MRPL52: variants seen among roughly 807,000 people sequenced by gnomAD.
MRPL52 encodes the protein large ribosomal subunit protein mL52.
In MRPL52, 19 loss-of-function variants were observed where a neutral mutation model predicts 22.1. The ratio of observed to expected loss-of-function variants is 0.86; its 90% CI spans 0.60 to 1.26. The LOEUF is 1.26. Among genes scored for constraint, MRPL52 ranks in the 50% most tolerant of loss-of-function variants. The pLI, the probability that MRPL52 is intolerant of heterozygous loss-of-function variation, is 0.00. For missense variants in MRPL52, 152 were observed against 148.1 expected (o/e 1.03, Z -0.14); for synonymous variants, 50 against 57.5 (o/e 0.87, Z 0.59).
intron 3 of MRPL52, chr14:22,830,743 A>C (rs950484979): frequency 2.1e-6 from 1 of 472,180 alleles, no homozygotes; most frequent in Non-Finnish European, 3.7e-6. Flanking sequence ...AGGGAGGGAG[A>C]ATAAATATTA....
At chr14:22,830,164 C>T in intron 2 of MRPL52, 23 bp from the exon 3 acceptor site, 5 of 1,614,242 alleles carry the variant, frequency 3.1e-6, no homozygotes, top group South Asian at 1.1e-5. Flanking sequence ...TAGGTCCTCA[C>T]AGATCTGTTT....
At chr14:22,832,010 A>T (rs1175763654) in intron 3 of MRPL52, 1 of 151,932 alleles carries the variant, frequency 6.6e-6, no homozygotes, top group Non-Finnish European at 1.5e-5. Context: ...TTGTCTCAAA[A>T]ATAATAATAA....
At chr14:22,832,037 C>T (rs2138712994) in intron 3 of MRPL52, 1 of 152,268 alleles carries the variant, frequency 6.6e-6, no homozygotes, top group Middle Eastern at 3.4e-3. Flanking sequence ...TTTCAATACT[C>T]TGCGCCTTTC....
intron 3 of MRPL52, chr14:22,830,529 C>A: frequency 2.1e-6 from 1 of 487,530 alleles, no homozygotes; most frequent in South Asian, 2.9e-5. Flanking sequence ...GACAAGACTT[C>A]TGCGTTTTTC....
chr14:22,833,004 C>A (rs1015197745), intron 3 of MRPL52, among the ~76,000 whole-genome samples: 1 of 151,850 alleles, frequency 6.6e-6, no homozygotes, highest in African/African-American at 2.4e-5. Flanking sequence ...TTGGTGAAAT[C>A]CCGTCTCTAC....
rs1476657194 is a variant in MRPL52 at position 22,834,770 on chromosome 14, C to T, written c.*449C>T. ...GGCTGAGGCAGGAGAATCGCTTAAA[C>T]TCGGGAGGTAGAGGTTGCAGTGAGC... On this transcript the variant is annotated 3_prime_UTR_variant, in exon 5 of 5. Transcript: ENST00000397496. 1 of 154,368 alleles carries T rather than the reference C, an allele frequency of 6.5e-6. No individual in the cohort carries two copies. The highest frequency in any genetic ancestry group is 1.4e-5 in the Non-Finnish European group (1 of 69,596). The allele number at this position is 154,368 out of a possible 1,614,324, so 9.6% of individuals were successfully genotyped here. A position where few individuals can be genotyped will look rare whatever the true frequency, so the allele number is the denominator to read the frequency against.
chr14:22,832,499 C>T (rs1426955828), intron 3 of MRPL52, among the ~76,000 whole-genome samples: 1 of 151,964 alleles, frequency 6.6e-6, no homozygotes, highest in Admixed American at 6.6e-5. Context: ...CACCACCACG[C>T]CCGGCTAATT....
chr14:22,830,726 AAGAG>A, intron 3 of MRPL52: 2 of 445,888 alleles, frequency 4.5e-6, no homozygotes, highest in Non-Finnish European at 7.9e-6. Context: ...TTACTTACAA[AAGAG>A]AGAGGGAGGG....
At chr14:22,831,885 C>T (rs990681862) in intron 3 of MRPL52, 19 of 152,318 alleles carry the variant, frequency 1.2e-4, no homozygotes, top group African/African-American at 4.6e-4. Context: ...CATGCATCTA[C>T]AGTTCCAGAT....
intron 4 of MRPL52, 43 bp from the exon 5 acceptor site, chr14:22,834,129 G>A: frequency 6.2e-7 from 1 of 1,605,808 alleles, no homozygotes; most frequent in Non-Finnish European, 8.5e-7. Flanking sequence ...GTATAGCGCT[G>A]AAGTCCCAGA....
intron 3 of MRPL52, chr14:22,831,306 C>A (rs56300357): frequency 0.18 from 59,824 of 340,000 alleles, 5,929 homozygotes; most frequent in African/African-American, 0.28. Flanking sequence ...TTAGTAGAGA[C>A]AGGCTCTTGC....
chr14:22,834,116 A>G, intron 4 of MRPL52, 56 bp from the exon 5 acceptor site: 6 of 1,577,972 alleles, frequency 3.8e-6, no homozygotes, highest in Non-Finnish European at 5.2e-6. Flanking sequence ...GGAAGGATAT[A>G]TAGTATAGCG....
rs938296062 is a variant in MRPL52, at chr14:22,831,026, T to G, written c.154+772T>G. 3.9e-6 allele frequency: 6 copies of G among 1,532,764 alleles called. No individual in the cohort carries two copies. The African/African-American group carries it at 6.9e-5, about 18-fold the overall frequency. The allele number at this position is 1,532,764 out of a possible 1,614,324, so 94.9% of individuals were successfully genotyped here. A position where few individuals can be genotyped will look rare whatever the true frequency, so the allele number is the denominator to read the frequency against. On this transcript the variant is annotated intron_variant, in intron 3 of 4. Coordinates refer to ENST00000397496, the MANE Select transcript of MRPL52 (RefSeq NM_180982.3). ...GGAAGATGGTGAAGATTTTTTCTAC[T>G]TGTTATTTACTGTAAGAAGCCTGGC...
At chr14:22,834,025 C>T in intron 4 of MRPL52, 147 bp from the exon 5 acceptor site, 6 of 851,160 alleles carry the variant, frequency 7.0e-6, no homozygotes, top group South Asian at 1.9e-5. Flanking sequence ...TGCTGTCTCC[C>T]TCTGCTTCCC....
intron 1 of MRPL52, 43 bp downstream of exon 1, chr14:22,829,983 G>A (rs1390717425): frequency 6.2e-7 from 1 of 1,612,790 alleles, no homozygotes; most frequent in African/African-American, 1.3e-5. Flanking sequence ...GGGGCCCTTT[G>A]GGGACGGGCA....
intron 3 of MRPL52, chr14:22,831,292 A>G: frequency 2.6e-6 from 1 of 385,202 alleles, no homozygotes; most frequent in South Asian, 3.3e-5. Flanking sequence ...TTTTTTTTTA[A>G]CTTTTAGTAG....
At position 22,834,498 on chromosome 14, in the gene MRPL52, C is replaced by A; in HGVS notation, c.*177C>A. The A allele has an allele frequency of 1.5e-6, 1 of 687,910 alleles. No homozygotes were observed. The highest frequency in any genetic ancestry group is 2.4e-6 in the Non-Finnish European group (1 of 422,024). 42.6% of individuals were successfully genotyped at this position (687,910 alleles called of 1,614,324 possible). A position where few individuals can be genotyped will look rare whatever the true frequency, so the allele number is the denominator to read the frequency against. On this transcript the variant is annotated 3_prime_UTR_variant, in exon 5 of 5. Coordinates refer to ENST00000397496, the MANE Select transcript of MRPL52 (RefSeq NM_180982.3). ...CCTGGGAGGCTTGGCTTAGTACTCT[C>A]ATCTCTGGTTCCATTCCAGTTCAGC... is the stretch of plus-strand genomic sequence containing the variant.
chr14:22,830,964 G>C, intron 3 of MRPL52: 1 of 1,528,804 alleles, frequency 6.5e-7, no homozygotes, highest in Non-Finnish European at 8.8e-7. Flanking sequence ...TGCTCTCTAG[G>C]GGTATGATCC....
Position 22,833,482 on chromosome 14 carries a change from A to C in MRPL52, c.219A>C (p.Ala73=), listed in dbSNP as rs780510049. ...LRRKAERETF[A]RRVVLLSQEM... ...GAAAAGCTGAAAGGGAGACGTTTGCAGTGAGTGGTTAGAGCAACAGCCAGG... is the reference window on the plus strand; with the variant it reads ...GAAAAGCTGAAAGGGAGACGTTTGCCGTGAGTGGTTAGAGCAACAGCCAGG... Residue 73 remains alanine, a splice_region_variant and synonymous_variant, in exon 4 of 5, where the codon GCA becomes GCC. Coordinates refer to ENST00000397496, the MANE Select transcript of MRPL52 (RefSeq NM_180982.3). 3.1e-6 allele frequency: 5 copies of C among 1,612,322 alleles called. No individual in the cohort carries two copies. The South Asian group carries it at 4.4e-5, about 14-fold the overall frequency.
Sources: allele counts gnomAD v4.1 joint callset (sites outside exome capture counted in the v4.1 genomes callset), GRCh38; gene constraint gnomAD v4.1.1; transcripts MANE v1.5; gene names NCBI Gene and HGNC (gene_info 2026-07-23, HGNC 2026-07-21).